Variants in PSIP1 observed in about 807,000 individuals in gnomAD.
The protein encoded by PSIP1 is PC4 and SRSF1 interacting protein 1.
A neutral mutation model predicts 74.7 loss-of-function variants in PSIP1; 19 were observed. That is an observed-to-expected ratio of 0.25 (90% CI 0.18 to 0.37). The LOEUF (loss-of-function observed/expected upper bound fraction) is 0.37, where lower values mean the gene tolerates loss of function less well. PSIP1 is among the 10% of genes least tolerant of loss of function. The pLI, the probability that PSIP1 is intolerant of heterozygous loss-of-function variation, is 1.00. For missense variants in PSIP1, 601 were observed against 614.3 expected (o/e 0.98, Z 0.23); for synonymous variants, 222 against 195.3 (o/e 1.14, Z -1.14).
intron 9 of PSIP1, 113 bp from the exon 10 acceptor site, chr9:15,472,863 C>A: frequency 1.1e-6 from 1 of 936,036 alleles, no homozygotes; most frequent in Non-Finnish European, 1.6e-6. Flanking sequence ...GGGATGAATA[C>A]TCAAATTAGC....
chr9:15,474,189 T>G lies in PSIP1; in HGVS notation c.678A>C (p.Gln226His). 6.2e-7 allele frequency: 1 copy of G among 1,613,244 alleles called. No homozygotes were observed. ...KSKKKGQEEK[Q>H]PKKQPKKDEE... ...CATCCTTCTTAGGCTGCTTTTTAGG[T>G]TGTTTTTCCTCTTGCCCCTTTTTCT... The change falls in exon 9 of 16, where the codon CAA becomes CAC. Residue 226 changes from glutamine (Q) to histidine (H), a missense_variant. This residue lies in a region of PSIP1 where 538 missense variants were observed against 507.6 expected (regional missense o/e 1.06). Transcript: ENST00000380733.
chr9:15,473,396 G>C (rs187535545), intron 9 of PSIP1, among the ~76,000 whole-genome samples: 23 of 152,136 alleles, frequency 1.5e-4, no homozygotes, highest in African/African-American at 5.6e-4. Flanking sequence ...TTTCTAGACA[G>C]ATGGGGTTAT....
intron 3 of PSIP1, among the ~76,000 whole-genome samples, chr9:15,504,731 G>A (rs948290660): frequency 4.0e-4 from 59 of 148,596 alleles, no homozygotes; most frequent in African/African-American, 1.2e-3. Context: ...AGCTAGACTC[G>A]GTCTCAAAAA....
At chr9:15,473,303 TG>T (rs1192261309) in intron 9 of PSIP1, among the ~76,000 whole-genome samples, 1 of 152,150 alleles carries the variant, frequency 6.6e-6, no homozygotes, top group Non-Finnish European at 1.5e-5. Context: ...AAGAACTTCT[TG>T]GGGGTAAATA....
intron 10 of PSIP1, 58 bp downstream of exon 10, chr9:15,472,574 A>C: frequency 7.1e-6 from 11 of 1,539,176 alleles, no homozygotes; most frequent in Non-Finnish European, 9.5e-6. Context: ...CTATTATTTA[A>C]AAATTCCATG....
intron 3 of PSIP1, 103 bp downstream of exon 3, chr9:15,506,458 A>T: frequency 1.3e-6 from 1 of 796,060 alleles, no homozygotes; most frequent in Non-Finnish European, 2.0e-6. Context: ...CAAAGATTTT[A>T]AAGTTTCCTA....
intron 6 of PSIP1, among the ~76,000 whole-genome samples, chr9:15,482,809 C>G (rs2036393153): frequency 6.6e-6 from 1 of 152,174 alleles, no homozygotes; most frequent in African/African-American, 2.4e-5. Context: ...CACAGTGTAA[C>G]TTTACCATTA....
At chr9:15,499,443 G>C (rs1248694229) in intron 3 of PSIP1, among the ~76,000 whole-genome samples, 1 of 152,148 alleles carries the variant, frequency 6.6e-6, no homozygotes, top group Non-Finnish European at 1.5e-5. Context: ...GTGTGTACAT[G>C]TGCATTCCAA....
intron 8 of PSIP1, among the ~76,000 whole-genome samples, chr9:15,476,324 A>C (rs1489856795): frequency 6.6e-6 from 1 of 152,222 alleles, no homozygotes; most frequent in Non-Finnish European, 1.5e-5. Flanking sequence ...GGAGACTGGA[A>C]ACCCTAATAC....
At position 15,465,265 on chromosome 9, in the gene PSIP1, C is replaced by T. The variant is rs1323305325; in HGVS notation, c.*255G>A. 1 of 410,050 alleles carries T rather than the reference C, an allele frequency of 2.4e-6. No homozygotes were observed. Among genetic ancestry groups the T allele is most frequent in the South Asian group, 5.0e-5 (1 of 20,074 alleles). 25.4% of individuals were successfully genotyped at this position (410,050 alleles called of 1,614,324 possible). A position where few individuals can be genotyped will look rare whatever the true frequency, so the allele number is the denominator to read the frequency against. The stretch of plus-strand genomic sequence containing the variant: ...ACACTAATTGAAAATATGCTACAAC[C>T]ATGTCTGGAAAAGCAGTTTAACATT... On this transcript the variant is annotated 3_prime_UTR_variant, in exon 16 of 16. Coordinates refer to ENST00000380733, the MANE Select transcript of PSIP1 (RefSeq NM_033222.5).
At chr9:15,470,665 A>G in intron 10 of PSIP1, 1 of 936,338 alleles carries the variant, frequency 1.1e-6, no homozygotes, top group Non-Finnish European at 1.3e-6. Context: ...TTTATTTTAA[A>G]ATTTTGGTTA....
In PSIP1 at chr9:15,486,056, C is replaced by G; in HGVS notation, c.406G>C (p.Ala136Pro). 4.4e-6 allele frequency: 7 copies of G among 1,605,888 alleles called. No homozygotes were observed. Among genetic ancestry groups the G allele is most frequent in the Non-Finnish European group, 6.0e-6 (7 of 1,174,638 alleles). ...EKASNEDVTK[A>P]VDITTPKAAR... Reference sequence around the variant, plus strand: ...GCTTTTGGAGTAGTTATGTCAACTGCTTTAGTCACATCCTAAAAAAGAAAA... The same window carrying G: ...GCTTTTGGAGTAGTTATGTCAACTGGTTTAGTCACATCCTAAAAAAGAAAA... The change falls in exon 6 of 16, where the codon GCA becomes CCA. Residue 136 changes from alanine (A) to proline (P), a missense_variant. Coordinates refer to ENST00000380733, the MANE Select transcript of PSIP1 (RefSeq NM_033222.5).
chr9:15,499,336 G>A (rs959554600), intron 3 of PSIP1, among the ~76,000 whole-genome samples: 1 of 152,142 alleles, frequency 6.6e-6, no homozygotes, highest in African/African-American at 2.4e-5. Context: ...TAAGAAAACA[G>A]GAAATCATTA....
intron 3 of PSIP1, among the ~76,000 whole-genome samples, chr9:15,499,630 T>G (rs2037238708): frequency 6.6e-6 from 1 of 151,816 alleles, no homozygotes; most frequent in African/African-American, 2.4e-5. Flanking sequence ...TCCCAACACT[T>G]TAGGAGGCTG....
intron 14 of PSIP1, 57 bp downstream of exon 14, chr9:15,468,573 C>T: frequency 6.5e-7 from 1 of 1,545,344 alleles, no homozygotes. Flanking sequence ...TTTTTAAAAG[C>T]AGTCCTGGCA....
Position 15,506,542 on chromosome 9 carries a change from TA to T in PSIP1, c.149+18del. On this transcript the variant is annotated intron_variant, in intron 3 of 15. Transcript: ENST00000380733. ...TGTTAAATTAGCTCTGATTTGCCTTTAAAGCTAACAGGACTTACGTCTCATG... is the reference window on the plus strand; with the variant it reads ...TGTTAAATTAGCTCTGATTTGCCTTTAAGCTAACAGGACTTACGTCTCATG... 6.4e-7 allele frequency: 1 copy of T among 1,567,638 alleles called. No homozygotes were observed. The highest frequency in any genetic ancestry group is 8.8e-7 in the Non-Finnish European group (1 of 1,139,122).
intron 6 of PSIP1, among the ~76,000 whole-genome samples, chr9:15,482,129 T>TCA (rs959001516): frequency 3.9e-5 from 6 of 151,966 alleles, no homozygotes; most frequent in Admixed American, 1.3e-4. Flanking sequence ...ACACACCACT[T>TCA]CACACACACA....
chr9:15,490,110 G>A lies in PSIP1; in HGVS notation c.164C>T (p.Pro55Leu). Residue 55 changes from proline (P) to leucine (L), a missense_variant, in exon 4 of 16, where the codon CCA becomes CTA. This residue lies in a region of PSIP1 where 63 missense variants were observed against 106.7 expected (regional missense o/e 0.59). Transcript: ENST00000380733. ...TTCTGAGTAAGGAAATATATCCTTT[G>A]GTCCTAAAAAAGCACTAAAAAAGAA... ...FGTHETAFLGPKDIFPYSENK... is the reference protein window; with the variant it reads ...FGTHETAFLGLKDIFPYSENK... The A allele has an allele frequency of 6.3e-7, 1 of 1,584,754 alleles. No homozygotes were observed. The highest frequency in any genetic ancestry group is 8.5e-7 in the Non-Finnish European group (1 of 1,170,014).
chr9:15,474,157 C>G lies in PSIP1; in HGVS notation c.710G>C (p.Gly237Ala). ...TCTTGGCTTATCTTCTTCCTTCTGG[C>G]CCTCTTCATCCTTCTTAGGCTGCTT... Reference protein sequence around the residue: ...PKKQPKKDEEGQKEEDKPRKE... With the variant: ...PKKQPKKDEEAQKEEDKPRKE... The change falls in exon 9 of 16, where the codon GGC becomes GCC. Residue 237 changes from glycine (G) to alanine (A), a missense_variant. By Grantham distance (60) the Gly-to-Ala change is moderately conservative (BLOSUM62 0). Around this residue, in one of 2 missense-constraint regions of PSIP1, gnomAD observed 538 missense variants for 507.6 expected, o/e 1.06. Transcript: ENST00000380733. The G allele has an allele frequency of 6.2e-7, 1 of 1,613,516 alleles. No homozygotes were observed. The highest frequency in any genetic ancestry group is 8.5e-7 in the Non-Finnish European group (1 of 1,179,866).
Sources: gnomAD v4.1 joint callset for allele counts (sites outside exome capture counted in the v4.1 genomes callset) on GRCh38, gnomAD v4.1.1 for gene constraint, gnomAD v4.1.1 regional missense constraint, MANE v1.5 for transcripts, NCBI Gene and HGNC (gene_info 2026-07-23, HGNC 2026-07-21) for gene names.